The following KNCN variants were observed in gnomAD, a reference collection of about 807,000 sequenced individuals.
The protein encoded by KNCN is kinocilin.
Under a neutral mutation model 10.4 loss-of-function variants are expected in KNCN, and 11 were observed. That is an observed-to-expected ratio of 1.06 (90% confidence interval 0.67 to 1.75). The LOEUF (loss-of-function observed/expected upper bound fraction) is 1.75, where lower values mean the gene tolerates loss of function less well. Among genes scored for constraint, KNCN ranks in the 40% most tolerant of loss-of-function variants. The probability of loss-of-function intolerance (pLI) is 0.00; values close to 1 mark genes in which losing one functional copy is unlikely to be tolerated. For missense variants in KNCN, 172 were observed against 167.1 expected (o/e 1.03, Z -0.16); for synonymous variants, 67 against 71.6 (o/e 0.94, Z 0.33).
intron 2 of KNCN, 96 bp from the exon 3 acceptor site, chr1:46,549,363 C>A: frequency 1.2e-6 from 1 of 819,048 alleles, no homozygotes. Flanking sequence ...TATCTAGTCT[C>A]CATCCCTGAT....
rs1667032103 is a variant in KNCN at position 46,549,970 on chromosome 1, C to G, written c.184G>C (p.Ala62Pro). ...LLILAYPFLK[A>P]RFNLDHILPT... ...AGGATGTGGTCCAGGTTGAACCGAGCCTTCAGGAAGGGGTAGGCCAAGATG... is the reference window on the plus strand; with the variant it reads ...AGGATGTGGTCCAGGTTGAACCGAGGCTTCAGGAAGGGGTAGGCCAAGATG... Residue 62 changes from alanine (A) to proline (P), a missense_variant, in exon 2 of 4, where the codon GCT (alanine) becomes CCT (proline). Physicochemically the swap from Ala to Pro is conservative, Grantham distance 27. Coordinates refer to ENST00000481882, the MANE Select transcript of KNCN (RefSeq NM_001322255.2). The G allele has an allele frequency of 7.1e-6, 11 of 1,550,438 alleles. No homozygotes were observed. The highest frequency in any genetic ancestry group is 9.6e-6 in the Non-Finnish European group (11 of 1,146,992).
chr1:46,551,001 TGAC>T lies in KNCN; in HGVS notation c.151+61_151+63del. 2.8e-6 allele frequency: 4 copies of T among 1,431,492 alleles called. No individual in the cohort carries two copies. In the South Asian group the frequency reaches 4.2e-5, roughly 15 times the overall value. The allele number at this position is 1,431,492 out of a possible 1,614,324, so 88.7% of individuals were successfully genotyped here. A position where few individuals can be genotyped will look rare whatever the true frequency, so the allele number is the denominator to read the frequency against. The stretch of plus-strand genomic sequence containing the variant: ...AGCCCTTCCCTGTTCCTTGTTCACC[TGAC>T]GATGCCCCTGCCCCCACCTCCAGAA... On this transcript the variant is annotated intron_variant, in intron 1 of 3. Coordinates refer to ENST00000481882, the MANE Select transcript of KNCN (RefSeq NM_001322255.2). The surrounding 1 kb of genome is among the most constrained non-coding windows in gnomAD (Gnocchi z 4.0).
chr1:46,549,245 A>T lies in KNCN; in HGVS notation c.243T>A (p.His81Gln). Residue 81 changes from histidine to glutamine, a missense_variant, in exon 3 of 4, where the codon CAT becomes CAA. Coordinates refer to ENST00000481882, the MANE Select transcript of KNCN (RefSeq NM_001322255.2). The part of the protein sequence containing the change: ...PTIGSLRIHP[H>Q]PGADHGEGRS... ...TTCCTTCCCCGTGGTCTGCCCCTGG[A>T]TGGGGATGGATTCTTAGGCTCCCTG... The T allele has an allele frequency of 1.2e-6, 2 of 1,612,950 alleles. No homozygotes were observed. Among genetic ancestry groups the T allele is most frequent in the South Asian group, 2.2e-5 (2 of 90,862 alleles).
At position 46,551,333 on chromosome 1, in the gene KNCN, C is replaced by T; in HGVS notation, c.-118G>A. 8.3e-7 allele frequency: 1 copy of T among 1,202,082 alleles called. No homozygotes were observed. The highest frequency in any genetic ancestry group is 2.6e-5 in the East Asian group (1 of 38,910). 74.5% of individuals were successfully genotyped at this position (1,202,082 alleles called of 1,614,324 possible). On this transcript the variant is annotated 5_prime_UTR_variant, in exon 1 of 4. Transcript: ENST00000481882. The surrounding 1 kb of genome is among the most constrained non-coding windows in gnomAD (Gnocchi z 4.0). ...CGCTCCAACTTCAGGGTAGGAGTTT[C>T]TGGGCAGTAAGATGATAGGTGGGGA...
chr1:46,548,044 C>A (rs752715508), intron 3 of KNCN, among the ~76,000 whole-genome samples: 1 of 152,164 alleles, frequency 6.6e-6, no homozygotes, highest in Admixed American at 6.5e-5. Flanking sequence ...GGGGTAGAGG[C>A]GGGACCCCGG....
At position 46,546,563 on chromosome 1, in the gene KNCN, G is replaced by C. The variant is rs1330956869; in HGVS notation, c.*1167C>G. The C allele has an allele frequency of 6.6e-6, 1 of 152,262 alleles. No individual in the cohort carries two copies. The highest frequency in any genetic ancestry group is 1.5e-5 in the Non-Finnish European group (1 of 68,056). 9.4% of individuals were successfully genotyped at this position (152,262 alleles called of 1,614,324 possible). ...AGAGGTCAAACAACTCTGCCTGGAG[G>C]GTGCAGGTGTGGAGGGAGGAACAAT... On this transcript the variant is annotated 3_prime_UTR_variant, in exon 4 of 4. Transcript: ENST00000481882.
chr1:46,547,237 C>A lies in KNCN; in HGVS notation c.*493G>T. 2.8e-6 allele frequency: 1 copy of A among 362,438 alleles called. No homozygotes were observed. The highest frequency in any genetic ancestry group is 2.1e-5 in the South Asian group (1 of 48,414). 22.5% of individuals were successfully genotyped at this position (362,438 alleles called of 1,614,324 possible). On this transcript the variant is annotated 3_prime_UTR_variant, in exon 4 of 4. Coordinates refer to ENST00000481882, the MANE Select transcript of KNCN (RefSeq NM_001322255.2). The stretch of plus-strand genomic sequence containing the variant: ...ATATTTGGAAAAGAATCTTGTCTAG[C>A]CCCTCTATTGGGCTAGTGAGCTCTA...
At position 46,546,365 on chromosome 1, in the gene KNCN, C is replaced by T. The variant is rs1051647507; in HGVS notation, c.*1365G>A. 1 of 152,262 alleles carries T rather than the reference C, an allele frequency of 6.6e-6. No individual in the cohort carries two copies. The highest frequency in any genetic ancestry group is 6.5e-5 in the Admixed American group (1 of 15,284). 9.4% of individuals were successfully genotyped at this position (152,262 alleles called of 1,614,324 possible). A position where few individuals can be genotyped will look rare whatever the true frequency, so the allele number is the denominator to read the frequency against. On this transcript the variant is annotated 3_prime_UTR_variant, in exon 4 of 4. Coordinates refer to ENST00000481882, the MANE Select transcript of KNCN (RefSeq NM_001322255.2). ...CAAGAGGGGAAATAGACAAAGGCCA[C>T]TCAGATTGGTCTGTGAAGGAGGGAA...
rs1169661283 is a variant in KNCN, at chr1:46,546,855, G to A, written c.*875C>T. The A allele has an allele frequency of 6.3e-6, 1 of 158,456 alleles. No homozygotes were observed. The highest frequency in any genetic ancestry group is 1.4e-5 in the Non-Finnish European group (1 of 71,372). 9.8% of individuals were successfully genotyped at this position (158,456 alleles called of 1,614,324 possible). A position where few individuals can be genotyped will look rare whatever the true frequency, so the allele number is the denominator to read the frequency against. ...GACAGAGGTTGGTGGAAGAGAATGA[G>A]GAAACCACGTGGGTAGGAGATTTTT... On this transcript the variant is annotated 3_prime_UTR_variant, in exon 4 of 4. Coordinates refer to ENST00000481882, the MANE Select transcript of KNCN (RefSeq NM_001322255.2).
rs1666944469 is a variant in KNCN at position 46,546,466 on chromosome 1, A to G, written c.*1264T>C. 6.6e-6 allele frequency: 1 copy of G among 152,270 alleles called. No individual in the cohort carries two copies. Among genetic ancestry groups the G allele is most frequent in the Admixed American group, 6.5e-5 (1 of 15,280 alleles). The allele number at this position is 152,270 out of a possible 1,614,324, so 9.4% of individuals were successfully genotyped here. On this transcript the variant is annotated 3_prime_UTR_variant, in exon 4 of 4. Transcript: ENST00000481882. Reference sequence around the variant, plus strand: ...GTGCCGTCTCCATTGATCCTGGAAGAAGGACGTGATTTCTAGCTTGTCTTC... The same window carrying G: ...GTGCCGTCTCCATTGATCCTGGAAGGAGGACGTGATTTCTAGCTTGTCTTC...
At chr1:46,549,141 CAA>C (rs749743161) in intron 3 of KNCN, 50 bp downstream of exon 3, 153 of 794,636 alleles carry the variant, frequency 1.9e-4, no homozygotes, top group South Asian at 4.1e-4. Flanking sequence ...AACTCTGTCT[CAA>C]AAAAAAAAAA....
intron 3 of KNCN, 129 bp from the exon 4 acceptor site, chr1:46,547,938 A>G (rs1666982560): frequency 3.3e-6 from 2 of 604,968 alleles, no homozygotes; most frequent in Admixed American, 3.5e-5. Context: ...CTGGGATAGA[A>G]TGGGGAGAGG....
chr1:46,551,149 C>T lies in KNCN; in HGVS notation c.67G>A (p.Val23Met). 1 of 1,611,362 alleles carries T rather than the reference C, an allele frequency of 6.2e-7. No individual in the cohort carries two copies. Among genetic ancestry groups the T allele is most frequent in the Non-Finnish European group, 8.5e-7 (1 of 1,178,770 alleles). Reference sequence around the variant, plus strand: ...ATGCCGATAATGATGCTGCCAGCCACCAGCCCGAGAGCCACGCAGGCCAGC... The same window carrying T: ...ATGCCGATAATGATGCTGCCAGCCATCAGCCCGAGAGCCACGCAGGCCAGC... ...LQLACVALGL[V>M]AGSIIIGISV... Residue 23 changes from valine (V) to methionine (M), a missense_variant, in exon 1 of 4, where the codon GTG becomes ATG. By Grantham distance (21) the Val-to-Met change is conservative. Coordinates refer to ENST00000481882, the MANE Select transcript of KNCN (RefSeq NM_001322255.2). This position sits in a 1 kb window ranked among gnomAD's most constrained non-coding sequence, Gnocchi z 4.0.
chr1:46,546,292 A>G lies in KNCN; in HGVS notation c.*1438T>C, dbSNP rs969961356. On this transcript the variant is annotated 3_prime_UTR_variant, in exon 4 of 4. Transcript: ENST00000481882. Reference sequence around the variant, plus strand: ...GCTTCAGAAAACTTTGGTTTTTCCAACATCCACTGGGGTGTCGTCTGGGTG... The same window carrying G: ...GCTTCAGAAAACTTTGGTTTTTCCAGCATCCACTGGGGTGTCGTCTGGGTG... The G allele has an allele frequency of 7.9e-5, 12 of 152,286 alleles. No individual in the cohort carries two copies. The highest frequency in any genetic ancestry group is 3.9e-4 in the East Asian group (2 of 5,176). 9.4% of individuals were successfully genotyped at this position (152,286 alleles called of 1,614,324 possible). A position where few individuals can be genotyped will look rare whatever the true frequency, so the allele number is the denominator to read the frequency against.
At position 46,545,698 on chromosome 1, in the gene KNCN, C is replaced by T. The variant is rs568361923; in HGVS notation, c.*2032G>A. The T allele has an allele frequency of 1.1e-4, 17 of 152,414 alleles. No homozygotes were observed. The highest frequency in any genetic ancestry group is 3.8e-4 in the African/African-American group (16 of 41,564). The allele number at this position is 152,414 out of a possible 1,614,324, so 9.4% of individuals were successfully genotyped here. A position where few individuals can be genotyped will look rare whatever the true frequency, so the allele number is the denominator to read the frequency against. ...TCCCCAGCATCTCTCTCTGCCTGGC[C>T]CTGCCAGGCATCGGGGATTCCATAG... is the stretch of plus-strand genomic sequence containing the variant. On this transcript the variant is annotated 3_prime_UTR_variant, in exon 4 of 4. Coordinates refer to ENST00000481882, the MANE Select transcript of KNCN (RefSeq NM_001322255.2).
In KNCN at chr1:46,547,723, C is replaced by T. The variant is rs1034877371; in HGVS notation, c.*7G>A. On this transcript the variant is annotated 3_prime_UTR_variant, in exon 4 of 4. Transcript: ENST00000481882. ...GGCAGGGCATGGGCAGCCGCTCAGA[C>T]TTTGCCTCAGCATTCCTCAGCCCCC... 3.8e-5 allele frequency: 57 copies of T among 1,512,538 alleles called. No individual in the cohort carries two copies. Among genetic ancestry groups the T allele is most frequent in the Non-Finnish European group, 5.0e-5 (56 of 1,128,458 alleles). The allele number at this position is 1,512,538 out of a possible 1,614,324, so 93.7% of individuals were successfully genotyped here. A position where few individuals can be genotyped will look rare whatever the true frequency, so the allele number is the denominator to read the frequency against.
rs1258036 is a variant in KNCN at position 46,546,015 on chromosome 1, C to G, written c.*1715G>C. The G allele has an allele frequency of 0.52, 78,519 of 152,162 alleles. 20,685 individuals are homozygous for G. The highest frequency in any genetic ancestry group is 0.69 in the East Asian group (3,558 of 5,172). The allele number at this position is 152,162 out of a possible 1,614,324, so 9.4% of individuals were successfully genotyped here. A position where few individuals can be genotyped will look rare whatever the true frequency, so the allele number is the denominator to read the frequency against. Reference sequence around the variant, plus strand: ...AGTTCAAAGAGAGGAAGTTGCTTCTCTCAGCTGAAGGAAACGAAGTCTCTA... The same window carrying G: ...AGTTCAAAGAGAGGAAGTTGCTTCTGTCAGCTGAAGGAAACGAAGTCTCTA... On this transcript the variant is annotated 3_prime_UTR_variant, in exon 4 of 4. Coordinates refer to ENST00000481882, the MANE Select transcript of KNCN (RefSeq NM_001322255.2).
Position 46,547,649 on chromosome 1 carries a change from C to A in KNCN, c.*81G>T. On this transcript the variant is annotated 3_prime_UTR_variant, in exon 4 of 4. Transcript: ENST00000481882. ...GGCCTGGCTTGTCTCCGGTCCGGGT[C>A]TCCTAACCCAGGAGGGCACTGACAT... is the stretch of plus-strand genomic sequence containing the variant. The A allele has an allele frequency of 1.8e-6, 2 of 1,121,854 alleles. No individual in the cohort carries two copies. The highest frequency in any genetic ancestry group is 1.3e-6 in the Non-Finnish European group (1 of 755,364). The allele number at this position is 1,121,854 out of a possible 1,614,324, so 69.5% of individuals were successfully genotyped here.
At position 46,551,086 on chromosome 1, in the gene KNCN, A is replaced by G. The variant is rs371055353; in HGVS notation, c.130T>C (p.Phe44Leu). The change falls in exon 1 of 4, where the codon TTT becomes CTT. Residue 44 changes from phenylalanine (F) to leucine (L), a missense_variant. Transcript: ENST00000481882. The surrounding 1 kb of genome is among the most constrained non-coding windows in gnomAD (Gnocchi z 4.0). ...TCACCCAGAACAGCAGCGCCAATAA[A>G]GACACCGCCCATGGCAGCTGCAGCC... ...SKAAAAMGGV[F>L]IGAAVLGLLI... 1.2e-6 allele frequency: 2 copies of G among 1,604,066 alleles called. No individual in the cohort carries two copies. Among genetic ancestry groups the G allele is most frequent in the Non-Finnish European group, 1.7e-6 (2 of 1,175,348 alleles).
Sources: allele counts gnomAD v4.1 joint callset (sites outside exome capture counted in the v4.1 genomes callset), GRCh38; gene constraint gnomAD v4.1.1; non-coding constraint Gnocchi (gnomAD v3.1); transcripts MANE v1.5; gene names NCBI Gene and HGNC (gene_info 2026-07-23, HGNC 2026-07-21).